The following PTPRD variants were observed in gnomAD, a reference collection of about 807,000 sequenced individuals.
PTPRD encodes the protein receptor-type tyrosine-protein phosphatase delta.
In PTPRD, 34 loss-of-function variants were observed where a neutral mutation model predicts 214.5. That is an observed-to-expected ratio of 0.16 (90% CI 0.12 to 0.21). The LOEUF (loss-of-function observed/expected upper bound fraction) is 0.21, where lower values mean the gene tolerates loss of function less well. Among genes scored for constraint, PTPRD ranks in the 10% least tolerant of loss-of-function variants. PTPRD has a pLI of 1.00. For missense variants in PTPRD, 2,545 were observed against 2,398.7 expected, an observed-to-expected ratio of 1.06 and a Z score of -1.27; for synonymous variants, 1,128 against 845.7, an observed-to-expected ratio of 1.33 and a Z score of -5.79.
At chr9:9,422,621 C>G (rs1043724517) in intron 8 of PTPRD, among the ~76,000 whole-genome samples, 1 of 152,092 alleles carries the variant, frequency 6.6e-6, no homozygotes, top group African/African-American at 2.4e-5. Flanking sequence ...CAGGTAGAGA[C>G]AGTGATGTCA....
chr9:10,611,189 C>G (rs2080873379), intron 2 of PTPRD, among the ~76,000 whole-genome samples: 2 of 152,030 alleles, frequency 1.3e-5, no homozygotes, highest in Non-Finnish European at 1.5e-5. Context: ...AAGGGATAAA[C>G]TTTTTCTAAT....
intron 3 of PTPRD, among the ~76,000 whole-genome samples, chr9:10,062,236 T>G (rs1271539598): frequency 6.6e-6 from 1 of 152,100 alleles, no homozygotes; most frequent in Non-Finnish European, 1.5e-5. Context: ...GTAAGACTTT[T>G]CTATCCACAG....
intron 3 of PTPRD, among the ~76,000 whole-genome samples, chr9:10,089,652 T>C (rs1351034512): frequency 6.6e-6 from 1 of 151,658 alleles, no homozygotes; most frequent in Non-Finnish European, 1.5e-5. Context: ...TACAACAGAA[T>C]AAGGTATAAC....
chr9:10,224,840 T>A (rs1001881587), intron 3 of PTPRD, among the ~76,000 whole-genome samples: 2 of 152,064 alleles, frequency 1.3e-5, no homozygotes, highest in African/African-American at 4.8e-5. Context: ...TAACAGCTAG[T>A]AAATACATTT....
chr9:10,440,110 C>T (rs145934002), intron 2 of PTPRD, among the ~76,000 whole-genome samples: 5 of 151,386 alleles, frequency 3.3e-5, no homozygotes, highest in Non-Finnish European at 3.0e-5. Context: ...GTTAAAAAAT[C>T]GGCTATTACT....
chr9:9,514,361 T>C lies in PTPRD; in HGVS notation c.-237+60371A>G, dbSNP rs562496219. 7.9e-5 allele frequency among the ~76,000 whole-genome samples: 12 copies of C among 152,168 alleles called. No homozygotes were observed. The South Asian group carries it at 2.3e-3, about 29-fold the overall frequency. ...GAATACACAGGGATCTGGATAGTTATAGTGGTCCTGGCAACTGTCAGTTTG... is the reference window on the plus strand; with the variant it reads ...GAATACACAGGGATCTGGATAGTTACAGTGGTCCTGGCAACTGTCAGTTTG... On this transcript the variant is annotated intron_variant, in intron 8 of 45. Transcript: ENST00000381196.
intron 5 of PTPRD, among the ~76,000 whole-genome samples, chr9:9,784,584 G>A (rs1406032410): frequency 6.6e-6 from 1 of 151,800 alleles, no homozygotes; most frequent in Non-Finnish European, 1.5e-5. Context: ...AGCCATCAAG[G>A]TACATCTTAT....
chr9:10,038,240 C>T (rs537126052), intron 3 of PTPRD, among the ~76,000 whole-genome samples: 1 of 152,206 alleles, frequency 6.6e-6, no homozygotes, highest in South Asian at 2.1e-4. Context: ...AGGACTTCAT[C>T]TTTAACATTT....
At chr9:9,591,107 G>T (rs778449884) in intron 7 of PTPRD, among the ~76,000 whole-genome samples, 9 of 151,970 alleles carry the variant, frequency 5.9e-5, no homozygotes, top group Non-Finnish European at 1.2e-4. Context: ...CCTTAAAATA[G>T]GAGGATTGTC....
chr9:8,592,716 A>T (rs938484962), intron 14 of PTPRD, among the ~76,000 whole-genome samples: 5 of 152,226 alleles, frequency 3.3e-5, no homozygotes, highest in African/African-American at 1.2e-4. Flanking sequence ...CTCGAAGCAC[A>T]TAAGGGTTGC....
intron 11 of PTPRD, among the ~76,000 whole-genome samples, chr9:8,877,054 G>A (rs767678119): frequency 2.0e-5 from 3 of 151,948 alleles, no homozygotes; most frequent in Non-Finnish European, 2.9e-5. Flanking sequence ...AGCCTCCCGA[G>A]TAGCTGGGAC....
chr9:9,702,072 A>T (rs936670575), intron 7 of PTPRD, among the ~76,000 whole-genome samples: 2 of 152,108 alleles, frequency 1.3e-5, no homozygotes, highest in African/African-American at 2.4e-5. Context: ...GTGAGCCGAG[A>T]TTGTGCCACT....
intron 4 of PTPRD, among the ~76,000 whole-genome samples, chr9:10,003,960 C>T (rs1367073570): frequency 2.6e-5 from 4 of 151,824 alleles, no homozygotes; most frequent in African/African-American, 9.6e-5. Context: ...CAAGATTAAG[C>T]TCTCTACAAA....
At chr9:9,280,126 G>C (rs1226050169) in intron 9 of PTPRD, among the ~76,000 whole-genome samples, 1 of 151,274 alleles carries the variant, frequency 6.6e-6, no homozygotes, top group African/African-American at 2.4e-5. Context: ...CCTGGGGTCT[G>C]AGAAAATCTG....
Position 10,344,338 on chromosome 9 carries a change from T to C in PTPRD, c.-599-3321A>G, listed in dbSNP as rs544647000. On this transcript the variant is annotated intron_variant, in intron 2 of 45. Coordinates refer to ENST00000381196, the MANE Select transcript of PTPRD (RefSeq NM_002839.4). ...AGGTTTGTCATACATCAGATGGTTG[T>C]AGATGTGTGGTGTTATTTCTGAGGC... Among the ~76,000 whole-genome samples, 8 of 152,248 alleles carry C rather than the reference T, an allele frequency of 5.3e-5. No individual in the cohort carries two copies. The South Asian group carries it at 1.5e-3, about 28-fold the overall frequency.
chr9:9,385,867 T>C (rs1244182054), intron 9 of PTPRD, among the ~76,000 whole-genome samples: 1 of 152,130 alleles, frequency 6.6e-6, no homozygotes, highest in Non-Finnish European at 1.5e-5. Flanking sequence ...GTTAGAGGTG[T>C]CATTTAAGCC....
chr9:9,900,641 G>GTTTTTTTTT (rs1555302230), intron 5 of PTPRD, among the ~76,000 whole-genome samples: 2 of 120,108 alleles, frequency 1.7e-5, no homozygotes, highest in African/African-American at 6.2e-5. Context: ...ACATTTTCAG[G>GTTTTTTTTT]TTTTTTTTTT....
intron 10 of PTPRD, among the ~76,000 whole-genome samples, chr9:9,165,963 A>AT (rs145855024): frequency 0.022 from 3,301 of 152,116 alleles, 120 homozygotes; most frequent in African/African-American, 0.075. Flanking sequence ...CACCCTTTTA[A>AT]TTTTTTTCTC....
At chr9:9,827,059 G>A (rs1211772735) in intron 5 of PTPRD, among the ~76,000 whole-genome samples, 6 of 152,190 alleles carry the variant, frequency 3.9e-5, no homozygotes, top group East Asian at 3.9e-4. Context: ...AATCAATATC[G>A]TGAAAATGGC....
Sources: allele counts gnomAD v4.1 joint callset (sites outside exome capture counted in the v4.1 genomes callset), GRCh38; gene constraint gnomAD v4.1.1; transcripts MANE v1.5; gene names NCBI Gene and HGNC (gene_info 2026-07-23, HGNC 2026-07-21).